KCNQ3: variants seen among roughly 807,000 people sequenced by gnomAD.
The protein encoded by KCNQ3 is potassium voltage-gated channel subfamily Q member 3, also known as potassium voltage-gated channel subfamily KQT member 3.
Under a neutral mutation model 92.5 loss-of-function variants are expected in KCNQ3, and 30 were observed. That is an observed-to-expected ratio of 0.32 (90% CI 0.24 to 0.44). The LOEUF (loss-of-function observed/expected upper bound fraction) is 0.44. KCNQ3 is among the 20% of genes least tolerant of loss of function. The pLI, the probability that KCNQ3 is intolerant of heterozygous loss-of-function variation, is 1.00. For missense variants in KCNQ3, 913 were observed against 1,140.3 expected (o/e 0.80, Z 2.87); for synonymous variants, 450 against 468.8 (o/e 0.96, Z 0.52).
At chr8:132,310,639 C>T (rs1490118172) in intron 1 of KCNQ3, among the ~76,000 whole-genome samples, 1 of 152,176 alleles carries the variant, frequency 6.6e-6, no homozygotes, top group Non-Finnish European at 1.5e-5. Flanking sequence ...CCACAGGTGG[C>T]ACCACAGGTG....
chr8:132,392,490 T>A (rs953140470), intron 1 of KCNQ3, among the ~76,000 whole-genome samples: 8 of 152,082 alleles, frequency 5.3e-5, no homozygotes, highest in Non-Finnish European at 1.2e-4. Flanking sequence ...CTTACCTAGA[T>A]GTTCTTATTC....
chr8:132,386,662 A>G (rs896449335), intron 1 of KCNQ3, among the ~76,000 whole-genome samples: 2 of 152,168 alleles, frequency 1.3e-5, no homozygotes, highest in African/African-American at 4.8e-5. Flanking sequence ...TATGCTATTG[A>G]TATAAAAAAT....
intron 9 of KCNQ3, among the ~76,000 whole-genome samples, chr8:132,146,500 T>C (rs928430750): frequency 2.0e-5 from 3 of 152,190 alleles, no homozygotes; most frequent in Admixed American, 6.5e-5. Flanking sequence ...CAGGGGAGCG[T>C]TGTTTAATAG....
Position 132,149,099 on chromosome 8 carries a change from G to A in KCNQ3, c.1263-7768C>T, listed in dbSNP as rs76257840. ...TGCCGTTCATGTAGGTTTTCTGTGCGTTTTTCTTGGGACATGGTTGTGCTT... is the reference window on the plus strand; with the variant it reads ...TGCCGTTCATGTAGGTTTTCTGTGCATTTTTCTTGGGACATGGTTGTGCTT... On this transcript the variant is annotated intron_variant, in intron 9 of 14. Coordinates refer to ENST00000388996, the MANE Select transcript of KCNQ3 (RefSeq NM_004519.4). Among the ~76,000 whole-genome samples the A allele has an allele frequency of 4.4e-4, 67 of 152,332 alleles. No individual in the cohort carries two copies. In the East Asian group the frequency reaches 0.011, roughly 25 times the overall value.
chr8:132,219,375 G>C (rs528134239), intron 1 of KCNQ3, among the ~76,000 whole-genome samples: 1 of 152,138 alleles, frequency 6.6e-6, no homozygotes, highest in East Asian at 1.9e-4. Context: ...CTTGTGTAGA[G>C]TCAGTTCTCA....
At chr8:132,439,444 T>G (rs1173156137) in intron 1 of KCNQ3, among the ~76,000 whole-genome samples, 1 of 152,126 alleles carries the variant, frequency 6.6e-6, no homozygotes. Context: ...GGTGCTTCCA[T>G]TAAAGCCTCC....
intron 1 of KCNQ3, among the ~76,000 whole-genome samples, chr8:132,333,405 C>T (rs574642243): frequency 1.3e-5 from 2 of 152,312 alleles, no homozygotes; most frequent in South Asian, 4.2e-4. Context: ...TGCTGTCCCA[C>T]ATAAATGCAA....
At chr8:132,178,434 G>A (rs1279337966) in intron 4 of KCNQ3, among the ~76,000 whole-genome samples, 5 of 152,190 alleles carry the variant, frequency 3.3e-5, no homozygotes, top group Non-Finnish European at 7.3e-5. Context: ...TGTATGGTAT[G>A]TGAGGAACAG....
At chr8:132,286,374 C>A (rs935407591) in intron 1 of KCNQ3, among the ~76,000 whole-genome samples, 2 of 152,198 alleles carry the variant, frequency 1.3e-5, no homozygotes, top group Non-Finnish European at 2.9e-5. Flanking sequence ...TTATTTGAGG[C>A]CTTTAAGATT....
At chr8:132,350,422 A>C (rs1042454917) in intron 1 of KCNQ3, among the ~76,000 whole-genome samples, 1 of 152,126 alleles carries the variant, frequency 6.6e-6, no homozygotes, top group Non-Finnish European at 1.5e-5. Context: ...AAGGGTTTAC[A>C]GGTAAGATCC....
intron 1 of KCNQ3, among the ~76,000 whole-genome samples, chr8:132,365,381 C>T (rs1382629433): frequency 4.6e-5 from 7 of 152,182 alleles, no homozygotes; most frequent in Non-Finnish European, 7.3e-5. Context: ...ATTTTTCCTA[C>T]GTTTTACCCA....
Position 132,129,265 on chromosome 8 carries a change from A to G in KCNQ3, c.2616T>C (p.Ile872=), listed in dbSNP as rs777331970. The G allele has an allele frequency of 6.2e-7, 1 of 1,611,044 alleles. No individual in the cohort carries two copies. Among genetic ancestry groups the G allele is most frequent in the South Asian group, 1.1e-5 (1 of 91,082 alleles). The part of the protein sequence containing the change: ...DSVWTPSNKP[I] Reference sequence around the variant, plus strand: ...AGGGGTCAGCCAGTGACCTCTTTTAAATGGGCTTATTGGAAGGGGTCCATA... The same window carrying G: ...AGGGGTCAGCCAGTGACCTCTTTTAGATGGGCTTATTGGAAGGGGTCCATA... Residue 872 remains isoleucine, a synonymous_variant, in exon 15 of 15, where the codon ATT becomes ATC. Transcript: ENST00000388996. This position sits in a 1 kb window ranked among gnomAD's most constrained non-coding sequence, Gnocchi z 5.9.
intron 1 of KCNQ3, among the ~76,000 whole-genome samples, chr8:132,430,681 T>G (rs973369676): frequency 1.3e-5 from 2 of 152,238 alleles, no homozygotes; most frequent in Admixed American, 6.5e-5. Context: ...TTCCTCCCCA[T>G]GCAGACAGAC....
At chr8:132,401,529 C>T (rs541937040) in intron 1 of KCNQ3, among the ~76,000 whole-genome samples, 2 of 152,284 alleles carry the variant, frequency 1.3e-5, no homozygotes, top group South Asian at 4.1e-4. Flanking sequence ...TCATGTGCCA[C>T]CACGCCCAGC....
intron 1 of KCNQ3, chr8:132,447,347 G>A (rs972123362): frequency 2.9e-6 from 3 of 1,036,842 alleles, no homozygotes; most frequent in African/African-American, 1.6e-5. Context: ...GAAAACCACA[G>A]GCAGACAGTA....
At chr8:132,199,974 C>T (rs1272531592) in intron 1 of KCNQ3, among the ~76,000 whole-genome samples, 2 of 151,212 alleles carry the variant, frequency 1.3e-5, no homozygotes, top group South Asian at 2.1e-4. Flanking sequence ...ATAGTGGGCA[C>T]TTATCAAATG....
At chr8:132,162,564 G>C (rs1326344215) in intron 9 of KCNQ3, among the ~76,000 whole-genome samples, 11 of 152,142 alleles carry the variant, frequency 7.2e-5, no homozygotes, top group Non-Finnish European at 1.2e-4. Flanking sequence ...CACCATTACT[G>C]TCATTCACCT....
intron 1 of KCNQ3, among the ~76,000 whole-genome samples, chr8:132,450,251 T>A (rs996523896): frequency 6.6e-6 from 1 of 152,056 alleles, no homozygotes; most frequent in African/African-American, 2.4e-5. Context: ...TGCTGATTGG[T>A]CCATTTTACA....
At chr8:132,223,109 GA>G (rs111679654) in intron 1 of KCNQ3, among the ~76,000 whole-genome samples, 7,638 of 152,196 alleles carry the variant, frequency 0.05, 258 homozygotes, top group African/African-American at 0.074. Context: ...CAAAACTAAT[GA>G]AGTGAGATAA....
Sources: allele counts gnomAD v4.1 joint callset (sites outside exome capture counted in the v4.1 genomes callset), GRCh38; gene constraint gnomAD v4.1.1; non-coding constraint Gnocchi (gnomAD v3.1); transcripts MANE v1.5; gene names NCBI Gene and HGNC (gene_info 2026-07-23, HGNC 2026-07-21).